Variants in EDDM13 observed in about 807,000 individuals in gnomAD.
The protein encoded by EDDM13 is epididymal protein 13.
EDDM13 carries 24 observed loss-of-function variants against 17.8 expected under a neutral mutation model. The ratio of observed to expected loss-of-function variants is 1.35; its 90% confidence interval spans 0.98 to 1.90. The LOEUF is 1.90. EDDM13 is among the 40% of genes most tolerant of loss of function. The pLI is 0.00. For missense variants in EDDM13, 97 were observed against 100.8 expected (o/e 0.96, Z 0.16); for synonymous variants, 31 against 37.5 (o/e 0.83, Z 0.63).
chr19:56,282,580 T>C (rs559169429), intron 4 of EDDM13, 81 bp downstream of exon 4: 497 of 867,114 alleles, frequency 5.7e-4, no homozygotes, highest in Non-Finnish European at 6.6e-4. Context: ...GAACTTCGAC[T>C]TACGTTTCTT....
chr19:56,289,870 T>C (rs10402940), intron 8 of EDDM13, among the ~76,000 whole-genome samples: 1 of 152,190 alleles, frequency 6.6e-6, no homozygotes, highest in African/African-American at 2.4e-5. Flanking sequence ...CATCTCAGCC[T>C]GCCAAAGTGC....
chr19:56,287,482 C>G (rs1323616911), intron 6 of EDDM13, among the ~76,000 whole-genome samples: 2 of 152,138 alleles, frequency 1.3e-5, no homozygotes, highest in African/African-American at 2.4e-5. Context: ...AGTTCTCCCC[C>G]ACTCCCATCC....
At position 56,272,783 on chromosome 19, in the gene EDDM13, G is replaced by A; in HGVS notation, c.-52G>A. The A allele has an allele frequency of 1.4e-6, 1 of 739,084 alleles. No homozygotes were observed. The highest frequency in any genetic ancestry group is 1.7e-6 in the Non-Finnish European group (1 of 604,766). The allele number at this position is 739,084 out of a possible 1,614,324, so 45.8% of individuals were successfully genotyped here. A position where few individuals can be genotyped will look rare whatever the true frequency, so the allele number is the denominator to read the frequency against. On this transcript the variant is annotated 5_prime_UTR_variant, in exon 1 of 15. Transcript: ENST00000649256. ...CCTGGGAAGACGGTGGGTGACCAGAGAGTCCTGTCTATCCTAGGAGGAGAA... is the reference window on the plus strand; with the variant it reads ...CCTGGGAAGACGGTGGGTGACCAGAAAGTCCTGTCTATCCTAGGAGGAGAA...
chr19:56,309,244 T>A lies in EDDM13; in HGVS notation c.462-880T>A, dbSNP rs1049177133. ...ATGCCATGTATATGAAACAGACAGA[T>A]CTGGCAAATTCAAAGAGACAGAAGG... On this transcript the variant is annotated intron_variant, in intron 14 of 14. Transcript: ENST00000649256. Among the ~76,000 whole-genome samples the A allele has an allele frequency of 2.6e-5, 4 of 152,088 alleles. No individual in the cohort carries two copies. The East Asian group carries it at 7.7e-4, about 29-fold the overall frequency.
At chr19:56,292,753 A>G (rs146615917) in intron 9 of EDDM13, among the ~76,000 whole-genome samples, 12 of 151,990 alleles carry the variant, frequency 7.9e-5, no homozygotes, top group Admixed American at 1.3e-4. Context: ...GGCAACCACC[A>G]TTTCACTTTC....
At chr19:56,289,313 C>A (rs933295907) in intron 8 of EDDM13, among the ~76,000 whole-genome samples, 6 of 152,076 alleles carry the variant, frequency 3.9e-5, no homozygotes, top group Admixed American at 2.0e-4. Context: ...TGCTCCAATG[C>A]GAGGGAGCTT....
Position 56,297,527 on chromosome 19 carries a change from G to C in EDDM13, c.291G>C (p.Glu97Asp). ...VLHEETSGCK[E>D]EVKPFSGTTP... ...TAGAAGAAACAAGTGGCTGCAAGGA[G>C]GAAGGTAAGTGCTTGGGGTCGTACC... The change falls in exon 12 of 15, where the codon GAG (glutamate) becomes GAC (aspartate). Residue 97 changes from glutamate to aspartate, a missense_variant. Transcript: ENST00000649256. 1 of 985,146 alleles carries C rather than the reference G, an allele frequency of 1.0e-6. No homozygotes were observed. Among genetic ancestry groups the C allele is most frequent in the Non-Finnish European group, 1.2e-6 (1 of 829,864 alleles). 61.0% of individuals were successfully genotyped at this position (985,146 alleles called of 1,614,324 possible). A position where few individuals can be genotyped will look rare whatever the true frequency, so the allele number is the denominator to read the frequency against.
chr19:56,300,711 AT>A (rs1159287096), intron 12 of EDDM13, among the ~76,000 whole-genome samples: 2 of 151,760 alleles, frequency 1.3e-5, no homozygotes, highest in African/African-American at 2.4e-5. Flanking sequence ...GGGAGAATTC[AT>A]TTTTTTTCGT....
chr19:56,296,529 A>G (rs2039886456), intron 11 of EDDM13, 167 bp downstream of exon 11: 1 of 152,014 alleles, frequency 6.6e-6, no homozygotes, highest in African/African-American at 2.4e-5. Context: ...TGTCCAACAG[A>G]TATTAACTGA....
rs374259394 is a variant in EDDM13, at chr19:56,281,649, T to C, written c.104-44T>C. 2.9e-5 allele frequency: 28 copies of C among 980,244 alleles called. No homozygotes were observed. In the East Asian group the frequency reaches 1.0e-3, roughly 36 times the overall value. The allele number at this position is 980,244 out of a possible 1,614,324, so 60.7% of individuals were successfully genotyped here. A position where few individuals can be genotyped will look rare whatever the true frequency, so the allele number is the denominator to read the frequency against. ...TTAATTCCACTCTCTTCCTTGAATT[T>C]TCCATGTTGATTCACTGGCTCCTGG... On this transcript the variant is annotated intron_variant, in intron 2 of 14. Coordinates refer to ENST00000649256, the MANE Select transcript of EDDM13 (RefSeq NM_001354658.2).
intron 12 of EDDM13, among the ~76,000 whole-genome samples, chr19:56,299,058 T>G (rs1235138505): frequency 6.6e-6 from 1 of 152,190 alleles, no homozygotes; most frequent in Non-Finnish European, 1.5e-5. Flanking sequence ...ATTCCCACCT[T>G]ATTAACATAA....
intron 13 of EDDM13, 95 bp from the exon 14 acceptor site, chr19:56,304,698 G>A (rs970608917): frequency 4.2e-6 from 3 of 712,212 alleles, no homozygotes; most frequent in Middle Eastern, 7.0e-4. Flanking sequence ...AAAGAAGCGA[G>A]AGGGGGATGG....
At chr19:56,277,326 T>C in intron 2 of EDDM13, among the ~76,000 whole-genome samples, 1 of 152,226 alleles carries the variant, frequency 6.6e-6, no homozygotes, top group Non-Finnish European at 1.5e-5. Flanking sequence ...GTGTGGTCTA[T>C]GCATACAATG....
intron 13 of EDDM13, among the ~76,000 whole-genome samples, chr19:56,302,447 CCT>C (rs1333951286): frequency 1.4e-5 from 2 of 142,308 alleles, no homozygotes; most frequent in African/African-American, 2.7e-5. Context: ...TTCCTTTCTT[CCT>C]CTCTCCGTCT....
At chr19:56,305,352 C>A (rs751780723) in intron 14 of EDDM13, among the ~76,000 whole-genome samples, 1 of 152,214 alleles carries the variant, frequency 6.6e-6, no homozygotes, top group African/African-American at 2.4e-5. Context: ...TGGCCCTTTG[C>A]ATCTGGGTTT....
At chr19:56,281,045 CAT>C (rs940432517) in intron 2 of EDDM13, among the ~76,000 whole-genome samples, 16 of 152,144 alleles carry the variant, frequency 1.1e-4, no homozygotes, top group Non-Finnish European at 2.2e-4. Flanking sequence ...TTACTAATAA[CAT>C]AAACAGTAGA....
intron 9 of EDDM13, among the ~76,000 whole-genome samples, chr19:56,293,895 T>C (rs931743932): frequency 6.6e-6 from 1 of 151,630 alleles, no homozygotes; most frequent in Non-Finnish European, 1.5e-5. Flanking sequence ...CGTCTGGAGG[T>C]TGAGAAACCC....
At chr19:56,274,984 T>A (rs2038141522) in intron 1 of EDDM13, 1 of 152,234 alleles carries the variant, frequency 6.6e-6, no homozygotes, top group Non-Finnish European at 1.5e-5. Flanking sequence ...AGCTTTCTCA[T>A]GATTGGATTG....
At chr19:56,284,694 T>C (rs1382868204) in intron 5 of EDDM13, among the ~76,000 whole-genome samples, 1 of 151,952 alleles carries the variant, frequency 6.6e-6, no homozygotes, top group African/African-American at 2.4e-5. Flanking sequence ...TTTGTATTTT[T>C]AGTAGAAATG....
Sources: gnomAD v4.1 joint callset for allele counts (sites outside exome capture counted in the v4.1 genomes callset) on GRCh38, gnomAD v4.1.1 for gene constraint, MANE v1.5 for transcripts, NCBI Gene and HGNC (gene_info 2026-07-23, HGNC 2026-07-21) for gene names.